GRID1: variants seen among roughly 807,000 people sequenced by gnomAD.
The protein encoded by GRID1 is glutamate ionotropic receptor delta type subunit 1.
A neutral mutation model predicts 98.0 loss-of-function variants in GRID1; 28 were observed. The ratio of observed to expected loss-of-function variants is 0.29; its 90% CI spans 0.21 to 0.39. The LOEUF is 0.39. Among genes scored for constraint, GRID1 ranks in the 10% least tolerant of loss-of-function variants. The pLI, the probability that GRID1 is intolerant of heterozygous loss-of-function variation, is 1.00. For synonymous variants in GRID1, 553 were observed against 538.5 expected (o/e 1.03, Z -0.37); for missense variants, 1,111 against 1,340.5 (o/e 0.83, Z 2.67).
At chr10:86,091,850 T>C (rs1288792838) in intron 4 of GRID1, among the ~76,000 whole-genome samples, 3 of 152,066 alleles carry the variant, frequency 2.0e-5, no homozygotes, top group South Asian at 2.1e-4. Context: ...CCGAGCCGGG[T>C]AGACTCGCTG....
At chr10:85,864,769 C>G (rs1843199285) in intron 6 of GRID1, among the ~76,000 whole-genome samples, 1 of 152,084 alleles carries the variant, frequency 6.6e-6, no homozygotes, top group Non-Finnish European at 1.5e-5. Flanking sequence ...AGGAATGATT[C>G]AATCAAGCCA....
intron 4 of GRID1, among the ~76,000 whole-genome samples, chr10:85,918,012 G>A (rs1841645217): frequency 6.6e-6 from 1 of 152,220 alleles, no homozygotes; most frequent in African/African-American, 2.4e-5. Context: ...ATGAAGAGGT[G>A]GAGGGAGAAG....
intron 4 of GRID1, among the ~76,000 whole-genome samples, chr10:85,985,512 T>C (rs936259239): frequency 6.6e-6 from 1 of 152,166 alleles, no homozygotes; most frequent in African/African-American, 2.4e-5. Context: ...TACCGCATGG[T>C]ACATGAAGCT....
chr10:85,763,079 C>T (rs1590220780), intron 8 of GRID1, among the ~76,000 whole-genome samples: 1 of 152,166 alleles, frequency 6.6e-6, no homozygotes, highest in Non-Finnish European at 1.5e-5. Context: ...GCAAGAGTGA[C>T]GTCCTTCTCC....
chr10:85,926,734 A>T (rs1225969039), intron 4 of GRID1, among the ~76,000 whole-genome samples: 1 of 152,154 alleles, frequency 6.6e-6, no homozygotes, highest in East Asian at 1.9e-4. Context: ...GCTTCTAAGG[A>T]GACAGTGTGC....
intron 4 of GRID1, among the ~76,000 whole-genome samples, chr10:86,083,534 G>A (rs1334084045): frequency 6.6e-6 from 1 of 152,226 alleles, no homozygotes; most frequent in African/African-American, 2.4e-5. Context: ...TTCAGAAGCG[G>A]ACATTGCACG....
intron 4 of GRID1, among the ~76,000 whole-genome samples, chr10:86,031,043 C>G (rs1219468694): frequency 6.6e-6 from 1 of 152,114 alleles, no homozygotes; most frequent in African/African-American, 2.4e-5. Flanking sequence ...TCCTCAAACC[C>G]GCCTATAAAA....
intron 15 of GRID1, chr10:85,607,132 G>T (rs1842678586): frequency 6.6e-6 from 1 of 152,168 alleles, no homozygotes; most frequent in South Asian, 2.1e-4. Context: ...ACCTCTCCCA[G>T]GCATTGTCTT....
chr10:86,324,049 C>G (rs1252893034), intron 2 of GRID1, among the ~76,000 whole-genome samples: 1 of 152,032 alleles, frequency 6.6e-6, no homozygotes, highest in Non-Finnish European at 1.5e-5. Flanking sequence ...CATGGTGGTG[C>G]ACACCTGTGG....
chr10:86,110,193 C>G (rs1286529605), intron 4 of GRID1, among the ~76,000 whole-genome samples: 1 of 152,042 alleles, frequency 6.6e-6, no homozygotes, highest in African/African-American at 2.4e-5. Flanking sequence ...AGGCTGATCT[C>G]GAAATCCTGA....
chr10:85,769,706 G>A lies in GRID1; in HGVS notation c.1234-40092C>T, dbSNP rs183930547. On this transcript the variant is annotated intron_variant, in intron 8 of 15. Coordinates refer to ENST00000327946, the MANE Select transcript of GRID1 (RefSeq NM_017551.3). ...CTGGCTCGGAGGGTCCTACACCCAC[G>A]GAGTCTCGCTGATTGCTAACAAAGC... is the stretch of plus-strand genomic sequence containing the variant. Among the ~76,000 whole-genome samples, 536 of 152,272 alleles carry A rather than the reference G, an allele frequency of 3.5e-3. 5 individuals carry two copies. The highest frequency in any genetic ancestry group is 0.012 in the African/African-American group (509 of 41,562).
At chr10:85,626,644 C>T (rs966167614) in intron 13 of GRID1, among the ~76,000 whole-genome samples, 1 of 152,168 alleles carries the variant, frequency 6.6e-6, no homozygotes, top group African/African-American at 2.4e-5. Flanking sequence ...TTTATCCTAA[C>T]GAAGCAGAGT....
intron 4 of GRID1, among the ~76,000 whole-genome samples, chr10:86,108,585 G>A (rs1248160638): frequency 6.6e-6 from 1 of 152,144 alleles, no homozygotes; most frequent in East Asian, 1.9e-4. Flanking sequence ...CTCCCCAAAA[G>A]AGCAGAATCC....
At chr10:86,313,647 C>T (rs1275331720) in intron 2 of GRID1, among the ~76,000 whole-genome samples, 1 of 152,138 alleles carries the variant, frequency 6.6e-6, no homozygotes, top group African/African-American at 2.4e-5. Flanking sequence ...GGGAACTTGC[C>T]CGCCTATCAC....
At chr10:85,701,905 T>C (rs1841455931) in intron 12 of GRID1, among the ~76,000 whole-genome samples, 2 of 152,018 alleles carry the variant, frequency 1.3e-5, no homozygotes, top group Admixed American at 1.3e-4. Context: ...ATCTCACTAA[T>C]CACCACTAAA....
intron 2 of GRID1, among the ~76,000 whole-genome samples, chr10:86,297,746 G>T (rs932837729): frequency 6.6e-6 from 1 of 152,156 alleles, no homozygotes; most frequent in African/African-American, 2.4e-5. Flanking sequence ...CACACAAACC[G>T]TTATAAAAAA....
chr10:86,218,482 C>CCCAAG, intron 2 of GRID1, among the ~76,000 whole-genome samples: 1 of 152,172 alleles, frequency 6.6e-6, no homozygotes, highest in East Asian at 1.9e-4. Flanking sequence ...CCTAACCAGC[C>CCCAAG]CCAAGCCCCA....
intron 3 of GRID1, among the ~76,000 whole-genome samples, chr10:86,189,455 C>A (rs549290199): frequency 2.0e-5 from 3 of 151,984 alleles, no homozygotes; most frequent in Admixed American, 6.6e-5. Flanking sequence ...CCTCATTACT[C>A]CCCTGCCTGT....
chr10:86,059,302 G>T (rs1454610830), intron 4 of GRID1, among the ~76,000 whole-genome samples: 1 of 152,220 alleles, frequency 6.6e-6, no homozygotes, highest in Non-Finnish European at 1.5e-5. Flanking sequence ...TAACCTGCAG[G>T]TCACTCCTTA....
Sources: gnomAD v4.1 joint callset for allele counts (sites outside exome capture counted in the v4.1 genomes callset) on GRCh38, gnomAD v4.1.1 for gene constraint, MANE v1.5 for transcripts, NCBI Gene and HGNC (gene_info 2026-07-23, HGNC 2026-07-21) for gene names.